BEND4: variants seen among roughly 807,000 people sequenced by gnomAD.
BEND4 encodes BEN domain containing 4, also known as BEN domain-containing protein 4.
BEND4 carries 27 observed loss-of-function variants against 54.7 expected under a neutral mutation model. That is an observed-to-expected ratio of 0.49 (90% confidence interval 0.36 to 0.68). The LOEUF (loss-of-function observed/expected upper bound fraction) is 0.68. Ranked by LOEUF, BEND4 falls within the 30% of genes least tolerant of loss-of-function variation. BEND4 has a pLI of 0.00. For missense variants in BEND4, 702 were observed against 697.2 expected (o/e 1.01, Z -0.08); for synonymous variants, 327 against 299.5 (o/e 1.09, Z -0.95).
chr4:42,142,155 C>G (rs928718342), intron 3 of BEND4, among the ~76,000 whole-genome samples: 14 of 151,846 alleles, frequency 9.2e-5, no homozygotes, highest in African/African-American at 2.9e-4. Context: ...TCCGCCCCCC[C>G]TCGGCCTCCC....
chr4:42,129,730 G>A (rs1233678711), intron 3 of BEND4, among the ~76,000 whole-genome samples: 2 of 152,142 alleles, frequency 1.3e-5, no homozygotes, highest in African/African-American at 4.8e-5. Context: ...AGTAACTCAA[G>A]GTGGATTAAA....
At chr4:42,141,776 T>C (rs1207783038) in intron 3 of BEND4, among the ~76,000 whole-genome samples, 1 of 152,194 alleles carries the variant, frequency 6.6e-6, no homozygotes, top group African/African-American at 2.4e-5. Context: ...ATAACTTATA[T>C]TTATGCATAT....
At position 42,115,880 on chromosome 4, in the gene BEND4, T is replaced by G. The variant is rs1186218889; in HGVS notation, c.*1638A>C. ...ATGATATGACAAATTTTAGTTAATT[T>G]TCTCAAAACAGGATTGAAATATTAG... is the stretch of plus-strand genomic sequence containing the variant. On this transcript the variant is annotated 3_prime_UTR_variant, in exon 6 of 6. Transcript: ENST00000502486. 6.6e-6 allele frequency: 1 copy of G among 152,216 alleles called. No individual in the cohort carries two copies. Among genetic ancestry groups the G allele is most frequent in the East Asian group, 1.9e-4 (1 of 5,200 alleles). The allele number at this position is 152,216 out of a possible 1,614,324, so 9.4% of individuals were successfully genotyped here. A position where few individuals can be genotyped will look rare whatever the true frequency, so the allele number is the denominator to read the frequency against.
At chr4:42,122,071 C>G (rs1478610372) in intron 4 of BEND4, among the ~76,000 whole-genome samples, 1 of 152,188 alleles carries the variant, frequency 6.6e-6, no homozygotes, top group Non-Finnish European at 1.5e-5. Context: ...CTCAAAACCA[C>G]TCACTGTGTC....
rs1037417181 is a variant in BEND4, at chr4:42,116,063, T to G, written c.*1455A>C. 1 of 152,200 alleles carries G rather than the reference T, an allele frequency of 6.6e-6. No individual in the cohort carries two copies. Among genetic ancestry groups the G allele is most frequent in the African/African-American group, 2.4e-5 (1 of 41,450 alleles). 9.4% of individuals were successfully genotyped at this position (152,200 alleles called of 1,614,324 possible). On this transcript the variant is annotated 3_prime_UTR_variant, in exon 6 of 6. Transcript: ENST00000502486. ...GTATATAGTGAATACAAACTAAATA[T>G]TAAATCTAAAGGACAATTTATGAGT...
chr4:42,119,913 T>C (rs1489176122), intron 5 of BEND4, 141 bp downstream of exon 5: 14 of 1,029,088 alleles, frequency 1.4e-5, no homozygotes, highest in Non-Finnish European at 1.8e-5. Context: ...CAAGACTGAG[T>C]AGATGGGCCA....
chr4:42,126,837 C>T (rs1048671334), intron 3 of BEND4, among the ~76,000 whole-genome samples: 1 of 152,018 alleles, frequency 6.6e-6, no homozygotes, highest in Admixed American at 6.6e-5. Flanking sequence ...ATAGCGAGAC[C>T]CTGTTCTCCA....
At chr4:42,130,604 C>T (rs1720473782) in intron 3 of BEND4, among the ~76,000 whole-genome samples, 1 of 151,698 alleles carries the variant, frequency 6.6e-6, no homozygotes, top group Non-Finnish European at 1.5e-5. Context: ...AACGTTTTTA[C>T]ACTGTTGGTG....
intron 2 of BEND4, among the ~76,000 whole-genome samples, chr4:42,145,655 G>T (rs1413520372): frequency 6.8e-6 from 1 of 147,438 alleles, no homozygotes; most frequent in Non-Finnish European, 1.5e-5. Context: ...TGGTGCCGCT[G>T]CACTCCAACC....
At position 42,114,684 on chromosome 4, in the gene BEND4, A is replaced by G. The variant is rs1303319569; in HGVS notation, c.*2834T>C. 1 of 150,622 alleles carries G rather than the reference A, an allele frequency of 6.6e-6. No individual in the cohort carries two copies. The highest frequency in any genetic ancestry group is 1.5e-5 in the Non-Finnish European group (1 of 67,048). The allele number at this position is 150,622 out of a possible 1,614,324, so 9.3% of individuals were successfully genotyped here. A position where few individuals can be genotyped will look rare whatever the true frequency, so the allele number is the denominator to read the frequency against. On this transcript the variant is annotated 3_prime_UTR_variant, in exon 6 of 6. Coordinates refer to ENST00000502486, the MANE Select transcript of BEND4 (RefSeq NM_207406.4). ...GCTCACAGAGCAATGACAGCATCCGATCCTAGTGAGTGAGCTTTTAACCTG... is the reference window on the plus strand; with the variant it reads ...GCTCACAGAGCAATGACAGCATCCGGTCCTAGTGAGTGAGCTTTTAACCTG...
rs144267530 is a variant in BEND4 at position 42,128,766 on chromosome 4, TACAAACAA to T, written c.1055-3100_1055-3093del. 6.6e-5 allele frequency among the ~76,000 whole-genome samples: 10 copies of T among 150,420 alleles called. No homozygotes were observed. In the East Asian group the frequency reaches 1.2e-3, roughly 18 times the overall value. On this transcript the variant is annotated intron_variant, in intron 3 of 5. Coordinates refer to ENST00000502486, the MANE Select transcript of BEND4 (RefSeq NM_207406.4). ...GATGAAACCCCGTCTCTACTAAAAATACAAACAAACAAACAAACAAACAGCCGGGCGTG... is the reference window on the plus strand; with the variant it reads ...GATGAAACCCCGTCTCTACTAAAAATACAAACAAACAAACAGCCGGGCGTG...
In BEND4 at chr4:42,117,018, A is replaced by G. The variant is rs115358101; in HGVS notation, c.*500T>C. On this transcript the variant is annotated 3_prime_UTR_variant, in exon 6 of 6. Coordinates refer to ENST00000502486, the MANE Select transcript of BEND4 (RefSeq NM_207406.4). ...TAGACATTATTAATGTCAAAATGGTATATGATGTCATCTATCCTATGTCTT... is the reference window on the plus strand; with the variant it reads ...TAGACATTATTAATGTCAAAATGGTGTATGATGTCATCTATCCTATGTCTT... 211 of 152,856 alleles carry G rather than the reference A, an allele frequency of 1.4e-3. 1 individual carries two copies. Among genetic ancestry groups the G allele is most frequent in the Non-Finnish European group, 2.6e-3 (175 of 68,464 alleles). The allele number at this position is 152,856 out of a possible 1,614,324, so 9.5% of individuals were successfully genotyped here. A position where few individuals can be genotyped will look rare whatever the true frequency, so the allele number is the denominator to read the frequency against.
chr4:42,118,756 C>T (rs1212134976), intron 5 of BEND4, among the ~76,000 whole-genome samples: 2 of 152,202 alleles, frequency 1.3e-5, no homozygotes, highest in Non-Finnish European at 2.9e-5. Flanking sequence ...GTCAAGCCCC[C>T]AAGCTCAACA....
intron 4 of BEND4, among the ~76,000 whole-genome samples, chr4:42,123,209 A>G (rs983377348): frequency 3.3e-5 from 5 of 152,234 alleles, no homozygotes; most frequent in African/African-American, 1.2e-4. Flanking sequence ...GTAAAATATG[A>G]TAAATAATAA....
Position 42,115,899 on chromosome 4 carries a change from A to G in BEND4, c.*1619T>C, listed in dbSNP as rs1196018530. 1.3e-5 allele frequency: 2 copies of G among 152,236 alleles called. No individual in the cohort carries two copies. The highest frequency in any genetic ancestry group is 4.8e-5 in the African/African-American group (2 of 41,460). 9.4% of individuals were successfully genotyped at this position (152,236 alleles called of 1,614,324 possible). A position where few individuals can be genotyped will look rare whatever the true frequency, so the allele number is the denominator to read the frequency against. On this transcript the variant is annotated 3_prime_UTR_variant, in exon 6 of 6. Coordinates refer to ENST00000502486, the MANE Select transcript of BEND4 (RefSeq NM_207406.4). Reference sequence around the variant, plus strand: ...TTAATTTTCTCAAAACAGGATTGAAATATTAGTGCCCACTACATCATTGAG... The same window carrying G: ...TTAATTTTCTCAAAACAGGATTGAAGTATTAGTGCCCACTACATCATTGAG...
chr4:42,119,551 T>TC (rs1207344737), intron 5 of BEND4, among the ~76,000 whole-genome samples: 5 of 152,216 alleles, frequency 3.3e-5, no homozygotes, highest in Non-Finnish European at 5.9e-5. Flanking sequence ...TAGAAACTTT[T>TC]TTTTTTTAAC....
chr4:42,120,869 T>A (rs553984892), intron 4 of BEND4, among the ~76,000 whole-genome samples: 1 of 152,322 alleles, frequency 6.6e-6, no homozygotes, highest in Admixed American at 6.5e-5. Flanking sequence ...AAAACAGGTT[T>A]CCTCAAATTA....
chr4:42,117,662 G>C lies in BEND4; in HGVS notation c.1461C>G (p.Phe487Leu), dbSNP rs754836803. The C allele has an allele frequency of 1.2e-6, 2 of 1,611,184 alleles. No homozygotes were observed. The highest frequency in any genetic ancestry group is 1.7e-6 in the Non-Finnish European group (2 of 1,178,676). The change falls in exon 6 of 6, where the codon TTC (phenylalanine) becomes TTG (leucine). Residue 487 changes from phenylalanine to leucine, a missense_variant. Coordinates refer to ENST00000502486, the MANE Select transcript of BEND4 (RefSeq NM_207406.4). ...MPSEEQINKVFSDAVGHARQG... is the reference protein window; with the variant it reads ...MPSEEQINKVLSDAVGHARQG... ...GTCGGGCGTGACCGACAGCGTCGCTGAACACTTTGTTTATCTGCTCTTCCG... is the reference window on the plus strand; with the variant it reads ...GTCGGGCGTGACCGACAGCGTCGCTCAACACTTTGTTTATCTGCTCTTCCG...
chr4:42,152,221 T>G lies in BEND4; in HGVS notation c.-78A>C. On this transcript the variant is annotated 5_prime_UTR_variant, in exon 2 of 6. Coordinates refer to ENST00000502486, the MANE Select transcript of BEND4 (RefSeq NM_207406.4). Reference sequence around the variant, plus strand: ...GGGCTCCGAGGGTGCCTCCGCCGCCTGCCCGCCGGGTCTGCCCTGGTGCGC... The same window carrying G: ...GGGCTCCGAGGGTGCCTCCGCCGCCGGCCCGCCGGGTCTGCCCTGGTGCGC... 8.3e-7 allele frequency: 1 copy of G among 1,201,830 alleles called. No homozygotes were observed. Among genetic ancestry groups the G allele is most frequent in the Non-Finnish European group, 1.0e-6 (1 of 961,220 alleles). The allele number at this position is 1,201,830 out of a possible 1,614,324, so 74.4% of individuals were successfully genotyped here.
Sources: allele counts gnomAD v4.1 joint callset (sites outside exome capture counted in the v4.1 genomes callset), GRCh38; gene constraint gnomAD v4.1.1; transcripts MANE v1.5; gene names NCBI Gene and HGNC (gene_info 2026-07-23, HGNC 2026-07-21).